The following TMEM117 variants were observed in gnomAD, a reference collection of about 807,000 sequenced individuals.
TMEM117 encodes transmembrane protein 117.
In TMEM117, 27 loss-of-function variants were observed where a neutral mutation model predicts 52.4. The observed-to-expected ratio is 0.51, with a 90% CI of 0.38 to 0.71. TMEM117 has a LOEUF of 0.71. TMEM117 is among the 30% of genes least tolerant of loss of function. The pLI is 0.00. For synonymous variants in TMEM117, 215 were observed against 206.3 expected (o/e 1.04, Z -0.36); for missense variants, 556 against 630.5 (o/e 0.88, Z 1.26).
chr12:43,934,933 A>T (rs1173945845), intron 2 of TMEM117, among the ~76,000 whole-genome samples: 1 of 152,196 alleles, frequency 6.6e-6, no homozygotes, highest in Non-Finnish European at 1.5e-5. Context: ...GTAGTTTGTT[A>T]GATAACTTTG....
intron 3 of TMEM117, among the ~76,000 whole-genome samples, chr12:44,055,539 A>C (rs1947040269): frequency 6.6e-6 from 1 of 152,220 alleles, no homozygotes. Flanking sequence ...GTGGAGCCAG[A>C]ATACTTGAGT....
intron 5 of TMEM117, chr12:44,249,131 G>C (rs1055160366): frequency 6.6e-6 from 1 of 152,250 alleles, no homozygotes; most frequent in Non-Finnish European, 1.5e-5. Flanking sequence ...TCACATAGCA[G>C]AGCAGGAGCA....
intron 3 of TMEM117, among the ~76,000 whole-genome samples, chr12:43,959,583 C>T (rs1216375867): frequency 6.6e-6 from 1 of 152,144 alleles, no homozygotes; most frequent in Admixed American, 6.5e-5. Flanking sequence ...AGCCCAGGTG[C>T]ACATTTTTAC....
intron 5 of TMEM117, among the ~76,000 whole-genome samples, chr12:44,254,662 A>T (rs896432871): frequency 6.6e-6 from 1 of 151,088 alleles, no homozygotes; most frequent in African/African-American, 2.4e-5. Context: ...ATATATATAT[A>T]TATTTTTTAT....
intron 2 of TMEM117, among the ~76,000 whole-genome samples, chr12:43,886,790 C>T (rs1944002296): frequency 6.6e-6 from 1 of 152,132 alleles, no homozygotes. Context: ...CTCCCACCCT[C>T]CATCCCCAGA....
At chr12:44,001,246 C>T (rs527751399) in intron 3 of TMEM117, among the ~76,000 whole-genome samples, 9 of 152,164 alleles carry the variant, frequency 5.9e-5, no homozygotes, top group Non-Finnish European at 1.2e-4. Context: ...TGGTCAGGCC[C>T]ATCTATTCAG....
At chr12:44,332,249 G>A (rs1951280734) in intron 6 of TMEM117, among the ~76,000 whole-genome samples, 1 of 152,036 alleles carries the variant, frequency 6.6e-6, no homozygotes, top group Non-Finnish European at 1.5e-5. Flanking sequence ...AAATTGCATA[G>A]TTTTATTTTA....
At chr12:43,850,724 A>G (rs1203583571) in intron 2 of TMEM117, among the ~76,000 whole-genome samples, 2 of 152,150 alleles carry the variant, frequency 1.3e-5, no homozygotes, top group Non-Finnish European at 2.9e-5. Context: ...TTAAAAATTT[A>G]ATGCAAACAT....
chr12:43,963,622 G>A (rs1945439169), intron 3 of TMEM117, among the ~76,000 whole-genome samples: 1 of 152,202 alleles, frequency 6.6e-6, no homozygotes, highest in African/African-American at 2.4e-5. Flanking sequence ...TCAAGAAGTA[G>A]GACATTGACA....
intron 2 of TMEM117, among the ~76,000 whole-genome samples, chr12:43,920,432 G>A (rs1476197313): frequency 6.6e-6 from 1 of 151,848 alleles, no homozygotes; most frequent in Admixed American, 6.6e-5. Flanking sequence ...AGAATCACTT[G>A]AACCCGGGAG....
In TMEM117 at chr12:43,966,822, A is replaced by G. The variant is rs151294763; in HGVS notation, c.410+22480A>G. ...AAAAGAATTGTCAAATTAAGGACTA[A>G]CTCACTAATTTGATTGCATTTTCTG... On this transcript the variant is annotated intron_variant, in intron 3 of 7. Transcript: ENST00000266534. Among the ~76,000 whole-genome samples, 13 of 152,338 alleles carry G rather than the reference A, an allele frequency of 8.5e-5. No individual in the cohort carries two copies. The East Asian group carries it at 2.3e-3, about 27-fold the overall frequency.
chr12:44,144,073 A>G (rs560692268), intron 4 of TMEM117, among the ~76,000 whole-genome samples: 48 of 152,286 alleles, frequency 3.2e-4, no homozygotes, highest in African/African-American at 1.0e-3. Context: ...TTTTTTAGCA[A>G]TTTAAGAAAT....
chr12:44,100,878 G>T (rs773994165), intron 3 of TMEM117, among the ~76,000 whole-genome samples: 5 of 151,820 alleles, frequency 3.3e-5, no homozygotes, highest in Non-Finnish European at 5.9e-5. Flanking sequence ...TCAGTTTGGT[G>T]CTTGTCTTGG....
At chr12:44,099,802 G>T (rs1482751035) in intron 3 of TMEM117, among the ~76,000 whole-genome samples, 2 of 151,952 alleles carry the variant, frequency 1.3e-5, no homozygotes, top group Non-Finnish European at 2.9e-5. Context: ...GTATATGGAG[G>T]AGCACTTTGA....
At chr12:43,804,397 T>C in the TMEM117 span, 1 of 788,150 alleles carries the variant, frequency 1.3e-6, no homozygotes, top group East Asian at 2.8e-5. Flanking sequence ...TTGCTTCATA[T>C]TAATTAATAG....
intron 3 of TMEM117, among the ~76,000 whole-genome samples, chr12:44,041,179 G>T (rs999158696): frequency 6.6e-6 from 1 of 151,168 alleles, no homozygotes; most frequent in African/African-American, 2.4e-5. Flanking sequence ...GTGCCATGTT[G>T]GTGTGCTGCA....
chr12:44,278,932 T>C (rs778869137), intron 5 of TMEM117, among the ~76,000 whole-genome samples: 3 of 152,228 alleles, frequency 2.0e-5, no homozygotes, highest in Non-Finnish European at 4.4e-5. Flanking sequence ...AGGCAATGGA[T>C]AATTTTAGTG....
intron 4 of TMEM117, among the ~76,000 whole-genome samples, chr12:44,188,122 C>T (rs995411643): frequency 2.6e-4 from 39 of 152,204 alleles, no homozygotes; most frequent in African/African-American, 9.1e-4. Flanking sequence ...TTAAAGATCA[C>T]ATTAAATAAG....
intron 3 of TMEM117, among the ~76,000 whole-genome samples, chr12:44,043,778 G>C (rs1189724546): frequency 6.6e-6 from 1 of 152,138 alleles, no homozygotes; most frequent in African/African-American, 2.4e-5. Flanking sequence ...GAAAATAACT[G>C]TTTGAGTTCT....
Sources: gnomAD v4.1 joint callset for allele counts (sites outside exome capture counted in the v4.1 genomes callset) on GRCh38, gnomAD v4.1.1 for gene constraint, MANE v1.5 for transcripts, NCBI Gene and HGNC (gene_info 2026-07-23, HGNC 2026-07-21) for gene names.